The following SLC9D1 variants were observed in gnomAD, a reference collection of about 807,000 sequenced individuals.
SLC9D1 encodes the protein putative LAG1-interacting protein.
chr13:113,514,153 A>G, the SLC9D1 span: 1 of 152,356 alleles, frequency 6.6e-6, no homozygotes, highest in Non-Finnish European at 1.5e-5. Context: ...ATACTGATAC[A>G]TATGACACAT....
the SLC9D1 span, among the ~76,000 whole-genome samples, chr13:113,510,759 G>A: frequency 1.3e-5 from 2 of 152,340 alleles, no homozygotes; most frequent in Middle Eastern, 3.4e-3. Context: ...AGTTGCGTAT[G>A]TTTTGCTGCT....
At chr13:113,513,096 G>A in the SLC9D1 span, among the ~76,000 whole-genome samples, 1 of 152,222 alleles carries the variant, frequency 6.6e-6, no homozygotes, top group Admixed American at 6.5e-5. Flanking sequence ...AAGTAGAAGG[G>A]AACGTCTGAA....
the SLC9D1 span, chr13:113,530,334 T>C: frequency 6.6e-6 from 1 of 152,228 alleles, no homozygotes; most frequent in African/African-American, 2.4e-5. Flanking sequence ...CATTGAATTG[T>C]ATACTTTAAA....
chr13:113,515,156 A>G, the SLC9D1 span, among the ~76,000 whole-genome samples: 1 of 152,204 alleles, frequency 6.6e-6, no homozygotes, highest in Admixed American at 6.5e-5. Context: ...TTCTATATAC[A>G]TATCCTAGAA....
At chr13:113,521,421 T>G in the SLC9D1 span, among the ~76,000 whole-genome samples, 1 of 150,970 alleles carries the variant, frequency 6.6e-6, no homozygotes, top group Non-Finnish European at 1.5e-5. Flanking sequence ...TCTGCATGCA[T>G]GTGTGGTGTG....
At chr13:113,502,348 GGA>G in the SLC9D1 span, among the ~76,000 whole-genome samples, 1 of 151,982 alleles carries the variant, frequency 6.6e-6, no homozygotes, top group Non-Finnish European at 1.5e-5. Context: ...TGAGTAGCTG[GGA>G]TTACAGGTGC....
chr13:113,532,431 G>C, the SLC9D1 span, among the ~76,000 whole-genome samples: 1 of 151,756 alleles, frequency 6.6e-6, no homozygotes, highest in Non-Finnish European at 1.5e-5. Flanking sequence ...GGGTGGGCTG[G>C]GGCAGTGGAA....
At chr13:113,503,377 G>GTGTA in the SLC9D1 span, 18 of 618,562 alleles carry the variant, frequency 2.9e-5, no homozygotes, top group Non-Finnish European at 5.2e-5. Context: ...GTGTGTGTGT[G>GTGTA]TGTGTGTATG....
the SLC9D1 span, chr13:113,528,992 T>C: frequency 2.3e-4 from 35 of 151,984 alleles, no homozygotes; most frequent in Admixed American, 1.3e-3. Context: ...GAGGGCGGAC[T>C]CTCCATACGA....
chr13:113,509,630 G>C, the SLC9D1 span, among the ~76,000 whole-genome samples: 1 of 152,246 alleles, frequency 6.6e-6, no homozygotes, highest in East Asian at 1.9e-4. Flanking sequence ...TATTGATTGG[G>C]ACCATGCAGT....
the SLC9D1 span, chr13:113,496,034 TAGAGAGGGAGAGAGAG>T: frequency 2.1e-5 from 33 of 1,584,854 alleles, no homozygotes; most frequent in East Asian, 3.2e-4. Flanking sequence ...AGGTCAGTCC[TAGAGAGGGAGAGAGAG>T]AGAGAGGGAG....
At chr13:113,512,839 C>T in the SLC9D1 span, among the ~76,000 whole-genome samples, 1 of 150,632 alleles carries the variant, frequency 6.6e-6, no homozygotes, top group East Asian at 2.0e-4. Context: ...ACTCGGAGCC[C>T]CAGGTGCTGG....
chr13:113,545,458 A>T, the SLC9D1 span, among the ~76,000 whole-genome samples: 3 of 152,246 alleles, frequency 2.0e-5, no homozygotes, highest in Non-Finnish European at 4.4e-5. Flanking sequence ...AAAAGTCAGC[A>T]TAGCTCATTA....
At chr13:113,511,108 G>A in the SLC9D1 span, among the ~76,000 whole-genome samples, 5 of 151,424 alleles carry the variant, frequency 3.3e-5, no homozygotes, top group African/African-American at 7.3e-5. Context: ...AGTGGAAGCC[G>A]ACTCACTCGG....
chr13:113,532,843 C>G, the SLC9D1 span, among the ~76,000 whole-genome samples: 1 of 100,888 alleles, frequency 9.9e-6, no homozygotes, highest in African/African-American at 4.0e-5. Flanking sequence ...CTCCTGAAGT[C>G]GCAGACGTGG....
chr13:113,549,694 A>C, the SLC9D1 span: 699 of 907,704 alleles, frequency 7.7e-4, 4 homozygotes, highest in African/African-American at 0.01. Flanking sequence ...CTTTTACAGA[A>C]TATTCTTGTC....
At chr13:113,506,305 G>C in the SLC9D1 span, among the ~76,000 whole-genome samples, 1 of 121,254 alleles carries the variant, frequency 8.2e-6, no homozygotes, top group Non-Finnish European at 1.7e-5. Context: ...CTGGCCTGTG[G>C]AGGAAGAGGC....
the SLC9D1 span, among the ~76,000 whole-genome samples, chr13:113,524,766 T>C: frequency 2.6e-5 from 4 of 152,346 alleles, no homozygotes; most frequent in African/African-American, 9.6e-5. Flanking sequence ...TTTCAACTTA[T>C]GCCCTTGTAT....
At chr13:113,501,387 T>TA in the SLC9D1 span, among the ~76,000 whole-genome samples, 1 of 152,268 alleles carries the variant, frequency 6.6e-6, no homozygotes. Context: ...TGCTTTAAAG[T>TA]ATATAGGAAG....
Sources: gnomAD v4.1 joint callset for allele counts (sites outside exome capture counted in the v4.1 genomes callset) on GRCh38, gnomAD v4.1.1 for gene constraint, MANE v1.5 for transcripts, NCBI Gene and HGNC (gene_info 2026-07-23, HGNC 2026-07-21) for gene names.